Variants in TMEM120B observed in about 807,000 individuals in gnomAD.
TMEM120B encodes the protein transmembrane protein 120B.
In TMEM120B, 31 loss-of-function variants were observed where a neutral mutation model predicts 55.5. The ratio of observed to expected loss-of-function variants is 0.56; its 90% CI spans 0.42 to 0.75. TMEM120B has a LOEUF of 0.75. Ranked by LOEUF, TMEM120B falls within the 30% of genes least tolerant of loss-of-function variation. TMEM120B has a pLI of 0.00. For synonymous variants in TMEM120B, 203 were observed against 176.3 expected, an observed-to-expected ratio of 1.15 and a Z score of -1.20; for missense variants, 399 against 425.5, an observed-to-expected ratio of 0.94 and a Z score of 0.55.
chr12:121,779,715 G>GC lies in TMEM120B; in HGVS notation c.*3994dup, dbSNP rs1373105042. ...GTGAGGGGCCCCTGGAGGTCTCCTA[G>GC]CACCACCTGGTGGGTTTGGGACTGG... On this transcript the variant is annotated 3_prime_UTR_variant, in exon 12 of 12. Transcript: ENST00000449592. 1 of 1,594,914 alleles carries GC rather than the reference G, an allele frequency of 6.3e-7. No homozygotes were observed. The highest frequency in any genetic ancestry group is 1.3e-5 in the African/African-American group (1 of 74,746).
In TMEM120B at chr12:121,743,677, C is replaced by T. The variant is rs372002568; in HGVS notation, c.118C>T (p.Gln40Ter). 15 of 1,613,570 alleles carry T rather than the reference C, an allele frequency of 9.3e-6. No individual in the cohort carries two copies. In the African/African-American group the frequency reaches 1.3e-4, roughly 14 times the overall value. Residue 40 changes from glutamine to a stop codon, truncating the protein, a stop_gained, in exon 2 of 12, where the codon CAG becomes TAG. Coordinates refer to ENST00000449592, the MANE Select transcript of TMEM120B (RefSeq NM_001080825.2). LOFTEE classifies it high-confidence loss of function. ...KQKLEELAAL[Q>*]TLCSSSISKQ... ...GAAGCTGGAGGAGCTGGCTGCGCTGCAGACGCTGTGTAGCAGTTCCATCAG... is the reference window on the plus strand; with the variant it reads ...GAAGCTGGAGGAGCTGGCTGCGCTGTAGACGCTGTGTAGCAGTTCCATCAG...
chr12:121,758,333 A>G (rs990425959), intron 5 of TMEM120B: 8 of 985,500 alleles, frequency 8.1e-6, no homozygotes, highest in Non-Finnish European at 9.6e-6. Flanking sequence ...CATGCTGACC[A>G]GGTACAGCAT....
chr12:121,748,456 A>G lies in TMEM120B; in HGVS notation c.305+14A>G, dbSNP rs116773485. Reference sequence around the variant, plus strand: ...CAAGAAGAACGGGTAGGAGCTGGCAACCTCCCCACCCCTAGCACAGGCCCA... The same window carrying G: ...CAAGAAGAACGGGTAGGAGCTGGCAGCCTCCCCACCCCTAGCACAGGCCCA... On this transcript the variant is annotated intron_variant, in intron 3 of 11. Coordinates refer to ENST00000449592, the MANE Select transcript of TMEM120B (RefSeq NM_001080825.2). The G allele has an allele frequency of 2.0e-3, 3,184 of 1,568,192 alleles. 70 individuals are homozygous for G. In the African/African-American group the frequency reaches 0.038, roughly 19 times the overall value.
Position 121,756,343 on chromosome 12 carries a change from C to A in TMEM120B, c.461+4120C>A, listed in dbSNP as rs1001832889. On this transcript the variant is annotated intron_variant, in intron 5 of 11. Transcript: ENST00000449592. ...CGAAACCCCCTCTCTACAAAAAATA[C>A]AAAAATTAGTCGGGCCTGATGGCAT... Among the ~76,000 whole-genome samples, 13 of 152,242 alleles carry A rather than the reference C, an allele frequency of 8.5e-5. No homozygotes were observed. In the South Asian group the frequency reaches 1.9e-3, roughly 22 times the overall value.
intron 6 of TMEM120B, among the ~76,000 whole-genome samples, chr12:121,770,380 C>A (rs111751531): frequency 3.8e-4 from 58 of 152,226 alleles, no homozygotes; most frequent in African/African-American, 1.2e-3. Context: ...CTTCAAAGGC[C>A]CTGTCTTCAA....
chr12:121,762,793 G>A (rs1873721982), intron 6 of TMEM120B, among the ~76,000 whole-genome samples: 1 of 152,186 alleles, frequency 6.6e-6, no homozygotes. Flanking sequence ...TGATGCTGGG[G>A]AGGACAGAGG....
At chr12:121,774,155 C>T (rs753528882) in intron 9 of TMEM120B, among the ~76,000 whole-genome samples, 11 of 152,046 alleles carry the variant, frequency 7.2e-5, no homozygotes, top group Non-Finnish European at 1.5e-4. Flanking sequence ...GGGGTTTCAC[C>T]TTGTTGGCCA....
At position 121,743,717 on chromosome 12, in the gene TMEM120B, A is replaced by G. The variant is rs892015164; in HGVS notation, c.158A>G (p.His53Arg). 6.2e-7 allele frequency: 1 copy of G among 1,613,446 alleles called. No individual in the cohort carries two copies. The highest frequency in any genetic ancestry group is 8.5e-7 in the Non-Finnish European group (1 of 1,179,914). ...AGTTCCATCAGTAAGCAGAAGAAGC[A>G]CCTCAAGGACTTGAAGCTTACACTC... is the stretch of plus-strand genomic sequence containing the variant. ...CSSSISKQKK[H>R]LKDLKLTLQR... Residue 53 changes from histidine (H) to arginine (R), a missense_variant, in exon 2 of 12, where the codon CAC becomes CGC. His to Arg is a conservative substitution (Grantham distance 29). Coordinates refer to ENST00000449592, the MANE Select transcript of TMEM120B (RefSeq NM_001080825.2).
intron 1 of TMEM120B, among the ~76,000 whole-genome samples, chr12:121,717,609 G>A (rs1230612658): frequency 1.3e-5 from 2 of 152,158 alleles, no homozygotes; most frequent in Non-Finnish European, 1.5e-5. Context: ...TGTGCCCTGA[G>A]TACTCCTGTT....
chr12:121,716,838 G>A (rs1284298809), intron 1 of TMEM120B, among the ~76,000 whole-genome samples: 1 of 152,134 alleles, frequency 6.6e-6, no homozygotes, highest in African/African-American at 2.4e-5. Context: ...TGGGATTACA[G>A]GCGTGAGCCA....
At chr12:121,728,185 T>C (rs1894932758) in intron 1 of TMEM120B, among the ~76,000 whole-genome samples, 1 of 151,586 alleles carries the variant, frequency 6.6e-6, no homozygotes, top group Admixed American at 6.6e-5. Context: ...TTTTTGTATT[T>C]TTAGTAGGGA....
chr12:121,726,012 G>A (rs1037189538), intron 1 of TMEM120B, among the ~76,000 whole-genome samples: 3 of 148,368 alleles, frequency 2.0e-5, no homozygotes, highest in Admixed American at 6.9e-5. Flanking sequence ...ACTCCAGCCT[G>A]GGCAACAAGC....
chr12:121,744,752 A>G (rs1407890089), intron 2 of TMEM120B, among the ~76,000 whole-genome samples: 1 of 152,196 alleles, frequency 6.6e-6, no homozygotes, highest in African/African-American at 2.4e-5. Context: ...CTGGGCCTCC[A>G]TTTTAGAATC....
chr12:121,773,767 T>TACACACACACACACACAC (rs139459284), intron 9 of TMEM120B, among the ~76,000 whole-genome samples: 1,671 of 151,362 alleles, frequency 0.011, 13 homozygotes, highest in African/African-American at 0.029. Flanking sequence ...TGTTCTAGAA[T>TACACACACACACACACAC]ACACACACAC....
intron 2 of TMEM120B, among the ~76,000 whole-genome samples, chr12:121,745,127 A>G (rs982841714): frequency 1.3e-5 from 2 of 152,174 alleles, no homozygotes. Context: ...GTGTCCACCA[A>G]GATCTCTCCA....
intron 1 of TMEM120B, among the ~76,000 whole-genome samples, chr12:121,721,804 CTTTTTTT>C (rs56702857): frequency 6.5e-5 from 6 of 91,878 alleles, no homozygotes; most frequent in East Asian, 3.4e-4. Flanking sequence ...ATCAGTTCTA[CTTTTTTT>C]TTTTTTTTTT....
chr12:121,756,328 T>C (rs527809415), intron 5 of TMEM120B, among the ~76,000 whole-genome samples: 26 of 152,156 alleles, frequency 1.7e-4, no homozygotes, highest in African/African-American at 5.8e-4. Context: ...CGAAACCCCC[T>C]CTCTACAAAA....
chr12:121,746,476 T>A (rs1873087316), intron 2 of TMEM120B, among the ~76,000 whole-genome samples: 1 of 152,076 alleles, frequency 6.6e-6, no homozygotes, highest in African/African-American at 2.4e-5. Context: ...CTTGAGCCAC[T>A]GCACCCGGCC....
rs368375515 is a variant in TMEM120B at position 121,764,338 on chromosome 12, T to G, written c.551+2600T>G. 3.9e-5 allele frequency among the ~76,000 whole-genome samples: 6 copies of G among 152,142 alleles called. No homozygotes were observed. In the East Asian group the frequency reaches 9.7e-4, roughly 25 times the overall value. On this transcript the variant is annotated intron_variant, in intron 6 of 11. Coordinates refer to ENST00000449592, the MANE Select transcript of TMEM120B (RefSeq NM_001080825.2). Reference sequence around the variant, plus strand: ...GAGTTTGAGACCAGCCTGACCAACATGGGGAAACCCCATCTCTCCTAAAAA... The same window carrying G: ...GAGTTTGAGACCAGCCTGACCAACAGGGGGAAACCCCATCTCTCCTAAAAA...
Sources: gnomAD v4.1 joint callset for allele counts (sites outside exome capture counted in the v4.1 genomes callset) on GRCh38, gnomAD v4.1.1 for gene constraint, MANE v1.5 for transcripts, NCBI Gene and HGNC (gene_info 2026-07-23, HGNC 2026-07-21) for gene names.